The following DMTF1 variants were observed in gnomAD, a reference collection of about 807,000 sequenced individuals.
The protein encoded by DMTF1 is cyclin-D-binding Myb-like transcription factor 1.
In DMTF1, 39 loss-of-function variants were observed where a neutral mutation model predicts 91.1. The observed-to-expected ratio is 0.43, with a 90% CI of 0.33 to 0.56. DMTF1 has a LOEUF of 0.56. Among genes scored for constraint, DMTF1 ranks in the 20% least tolerant of loss-of-function variants. DMTF1 has a pLI of 0.05. For synonymous variants in DMTF1, 338 were observed against 309.5 expected (o/e 1.09, Z -0.97); for missense variants, 750 against 914.5 (o/e 0.82, Z 2.32).
intron 12 of DMTF1, chr7:87,186,234 A>G (rs1405386087): frequency 2.3e-6 from 1 of 432,338 alleles, no homozygotes. Flanking sequence ...AGGAGGAAAT[A>G]AAATCATGCC....
chr7:87,180,652 C>T (rs1344352658), intron 8 of DMTF1, among the ~76,000 whole-genome samples: 1 of 151,650 alleles, frequency 6.6e-6, no homozygotes, highest in Admixed American at 6.6e-5. Context: ...ACAATGTCAC[C>T]CATAAGTTTT....
chr7:87,157,786 A>G (rs1182706403), intron 1 of DMTF1, among the ~76,000 whole-genome samples: 1 of 151,750 alleles, frequency 6.6e-6, no homozygotes, highest in Non-Finnish European at 1.5e-5. Flanking sequence ...ATAAGGTTAT[A>G]TTATAATGAA....
intron 1 of DMTF1, among the ~76,000 whole-genome samples, chr7:87,162,351 A>T (rs541544150): frequency 1.3e-4 from 20 of 152,302 alleles, no homozygotes; most frequent in African/African-American, 4.6e-4. Context: ...GTGAGCCACC[A>T]CGCCTGGTGC....
At chr7:87,189,798 A>T (rs1799326278) in intron 13 of DMTF1, among the ~76,000 whole-genome samples, 1 of 152,104 alleles carries the variant, frequency 6.6e-6, no homozygotes, top group South Asian at 2.1e-4. Context: ...ACCCTTTGAA[A>T]ATGTGAAAAC....
Position 87,172,036 on chromosome 7 carries a change from T to C in DMTF1, c.327+947T>C, listed in dbSNP as rs545125954. Among the ~76,000 whole-genome samples, 10 of 152,330 alleles carry C rather than the reference T, an allele frequency of 6.6e-5. No individual in the cohort carries two copies. In the East Asian group the frequency reaches 1.2e-3, roughly 18 times the overall value. ...TATATAGACATACTTTGGGAAATGG[T>C]GATTTGATTCTCATATCCAACTGAT... On this transcript the variant is annotated intron_variant, in intron 5 of 17. Transcript: ENST00000331242.
intron 1 of DMTF1, among the ~76,000 whole-genome samples, chr7:87,160,797 C>A (rs541871274): frequency 6.6e-6 from 1 of 152,166 alleles, no homozygotes; most frequent in Non-Finnish European, 1.5e-5. Context: ...GTTAATACCT[C>A]TTAGGTTTTC....
At chr7:87,186,304 A>G in intron 12 of DMTF1, 2 of 272,928 alleles carry the variant, frequency 7.3e-6, no homozygotes, top group Non-Finnish European at 1.4e-5. Context: ...GTCCAGGCCG[A>G]CATGCAGTGG....
At chr7:87,178,365 A>G (rs1331578577) in intron 7 of DMTF1, among the ~76,000 whole-genome samples, 1 of 152,052 alleles carries the variant, frequency 6.6e-6, no homozygotes, top group East Asian at 1.9e-4. Context: ...TTCTACATAT[A>G]TATCGCAAGT....
intron 3 of DMTF1, among the ~76,000 whole-genome samples, chr7:87,165,963 C>G (rs867511638): frequency 6.6e-6 from 1 of 152,160 alleles, no homozygotes; most frequent in Non-Finnish European, 1.5e-5. Flanking sequence ...AGTGTCCTAC[C>G]TATCATTCGT....
intron 2 of DMTF1, chr7:87,164,336 G>A (rs894639295): frequency 1.3e-5 from 2 of 152,116 alleles, no homozygotes; most frequent in African/African-American, 4.8e-5. Context: ...TAGCAGGTAA[G>A]GATACTTTGA....
At chr7:87,162,815 T>TG (rs1260037432) in intron 1 of DMTF1, 1 of 8,790 alleles carries the variant, frequency 1.1e-4, no homozygotes, top group Non-Finnish European at 3.1e-4. Flanking sequence ...AATCATGTGC[T>TG]TTTTTTTTTT....
rs566256851 is a variant in DMTF1, at chr7:87,193,058, G to C, written c.1495-140G>C. On this transcript the variant is annotated intron_variant, in intron 14 of 17. Transcript: ENST00000331242. ...TTCAGGCTAGGTAATGACTTGAGAC[G>C]ATTATGCCCTACATTGTATTACTTG... 4 of 784,342 alleles carry C rather than the reference G, an allele frequency of 5.1e-6. No homozygotes were observed. In the African/African-American group the frequency reaches 5.2e-5, roughly 10 times the overall value. The allele number at this position is 784,342 out of a possible 1,614,324, so 48.6% of individuals were successfully genotyped here.
intron 2 of DMTF1, 144 bp from the exon 3 acceptor site, chr7:87,164,790 T>C (rs943908228): frequency 4.8e-6 from 2 of 417,694 alleles, no homozygotes; most frequent in East Asian, 7.2e-5. Context: ...TTTTGAAATC[T>C]GAACTCTCAT....
At chr7:87,186,279 G>A in intron 12 of DMTF1, 1 of 309,684 alleles carries the variant, frequency 3.2e-6, no homozygotes. Context: ...TTTAGAGACA[G>A]GGTCTAGCTT....
chr7:87,174,324 A>G (rs1795771380), intron 6 of DMTF1, among the ~76,000 whole-genome samples: 1 of 146,622 alleles, frequency 6.8e-6, no homozygotes, highest in Admixed American at 7.0e-5. Flanking sequence ...GCTGTTCTAT[A>G]TTGTTGAAAG....
At chr7:87,179,470 CAA>C in intron 7 of DMTF1, 73 bp from the exon 8 acceptor site, 1 of 1,275,350 alleles carries the variant, frequency 7.8e-7, no homozygotes, top group Non-Finnish European at 1.0e-6. Context: ...AACATTAAAA[CAA>C]ATTTTAAAAG....
intron 3 of DMTF1, among the ~76,000 whole-genome samples, chr7:87,165,739 T>G (rs887248950): frequency 6.6e-6 from 1 of 152,206 alleles, no homozygotes; most frequent in African/African-American, 2.4e-5. Flanking sequence ...CCTAGTTCTC[T>G]TTTTTCCTTT....
intron 7 of DMTF1, 32 bp downstream of exon 7, chr7:87,174,701 A>G (rs1258992733): frequency 8.0e-6 from 12 of 1,502,070 alleles, no homozygotes; most frequent in African/African-American, 2.8e-5. Flanking sequence ...TGTTTCACCA[A>G]TTTGTTTATT....
chr7:87,192,244 G>T (rs1800008959), intron 14 of DMTF1, among the ~76,000 whole-genome samples: 1 of 151,886 alleles, frequency 6.6e-6, no homozygotes, highest in Non-Finnish European at 1.5e-5. Context: ...TAAATGTTAA[G>T]TATATTAAAT....
Sources: gnomAD v4.1 joint callset for allele counts (sites outside exome capture counted in the v4.1 genomes callset) on GRCh38, gnomAD v4.1.1 for gene constraint, MANE v1.5 for transcripts, NCBI Gene and HGNC (gene_info 2026-07-23, HGNC 2026-07-21) for gene names.